The following MTUS2 variants were observed in gnomAD, a reference collection of about 807,000 sequenced individuals.
MTUS2 encodes microtubule-associated tumor suppressor candidate 2.
MTUS2 carries 40 observed loss-of-function variants against 114.1 expected under a neutral mutation model. That is an observed-to-expected ratio of 0.35 (90% confidence interval 0.27 to 0.46). The LOEUF (loss-of-function observed/expected upper bound fraction) is 0.46. Among genes scored for constraint, MTUS2 ranks in the 20% least tolerant of loss-of-function variants. The pLI is 1.00. For synonymous variants in MTUS2, 688 were observed against 672.0 expected, an observed-to-expected ratio of 1.02 and a Z score of -0.37; for missense variants, 1,679 against 1,705.4, an observed-to-expected ratio of 0.98 and a Z score of 0.27.
intron 8 of MTUS2, among the ~76,000 whole-genome samples, chr13:29,401,842 C>T (rs1444014889): frequency 6.6e-6 from 1 of 152,150 alleles, no homozygotes; most frequent in East Asian, 1.9e-4. Context: ...TTTTCTCCTC[C>T]AGTTGAAGTG....
At chr13:29,234,916 A>G (rs924935855) in intron 5 of MTUS2, among the ~76,000 whole-genome samples, 4 of 151,936 alleles carry the variant, frequency 2.6e-5, no homozygotes, top group African/African-American at 9.7e-5. Context: ...GTTTTTATTT[A>G]TTTGTAAATA....
At chr13:28,890,919 T>C (rs541055755) in intron 2 of MTUS2, among the ~76,000 whole-genome samples, 2 of 152,294 alleles carry the variant, frequency 1.3e-5, no homozygotes, top group African/African-American at 2.4e-5. Context: ...CTTCCATCCA[T>C]TGCATTTTAC....
chr13:29,327,340 C>T (rs1477256865), intron 7 of MTUS2, among the ~76,000 whole-genome samples: 2 of 152,174 alleles, frequency 1.3e-5, no homozygotes, highest in African/African-American at 4.8e-5. Flanking sequence ...CAAGATAACA[C>T]ACATGTCCAC....
rs2138520510 is a variant in MTUS2 at position 29,033,885 on chromosome 13, G to A, written c.2206G>A (p.Val736Ile). 1.2e-6 allele frequency: 2 copies of A among 1,613,812 alleles called. No individual in the cohort carries two copies. Among genetic ancestry groups the A allele is most frequent in the Non-Finnish European group, 1.7e-6 (2 of 1,179,834 alleles). Residue 736 changes from valine to isoleucine, a missense_variant and splice_region_variant, in exon 4 of 16, where the codon GTT becomes ATT. Transcript: ENST00000612955. Reference protein sequence around the residue: ...SQMSEKFLQEVTDHPGKEEFC... With the variant: ...SQMSEKFLQEITDHPGKEEFC... Reference sequence around the variant, plus strand: ...TTGAGTTTTTGTTCATTTATCATAGGTTACAGACCACCCTGGAAAAGAAGA... The same window carrying A: ...TTGAGTTTTTGTTCATTTATCATAGATTACAGACCACCCTGGAAAAGAAGA...
intron 5 of MTUS2, among the ~76,000 whole-genome samples, chr13:29,156,414 G>T (rs9579298): frequency 0.083 from 12,560 of 152,000 alleles, 738 homozygotes; most frequent in Non-Finnish European, 0.13. Flanking sequence ...AGTGAAAATC[G>T]TGCCCATAGT....
At chr13:29,350,494 A>T (rs1413387798) in intron 7 of MTUS2, among the ~76,000 whole-genome samples, 1 of 151,630 alleles carries the variant, frequency 6.6e-6, no homozygotes, top group Non-Finnish European at 1.5e-5. Context: ...ATACTCCTCT[A>T]TGACCAGTTG....
At chr13:28,932,138 C>A (rs934714223) in intron 2 of MTUS2, among the ~76,000 whole-genome samples, 1 of 151,958 alleles carries the variant, frequency 6.6e-6, no homozygotes, top group African/African-American at 2.4e-5. Flanking sequence ...CTGCAGCTCA[C>A]TGACCAATGG....
intron 8 of MTUS2, among the ~76,000 whole-genome samples, chr13:29,438,978 C>A (rs1877627705): frequency 6.6e-6 from 1 of 152,136 alleles, no homozygotes; most frequent in Non-Finnish European, 1.5e-5. Context: ...ACACGTCCTT[C>A]AGAGGTGCTG....
intron 5 of MTUS2, among the ~76,000 whole-genome samples, chr13:29,276,130 T>A (rs991217714): frequency 6.6e-6 from 1 of 152,200 alleles, no homozygotes; most frequent in African/African-American, 2.4e-5. Flanking sequence ...GTTGATCAGC[T>A]CAGGGTGTCC....
chr13:28,958,934 A>G (rs1360429792), intron 2 of MTUS2, among the ~76,000 whole-genome samples: 1 of 152,244 alleles, frequency 6.6e-6, no homozygotes, highest in Non-Finnish European at 1.5e-5. Context: ...ATTTAAAAAA[A>G]CAAGCTGGAC....
chr13:29,175,881 A>G (rs977273468), intron 5 of MTUS2, among the ~76,000 whole-genome samples: 44 of 152,250 alleles, frequency 2.9e-4, no homozygotes, highest in African/African-American at 9.9e-4. Flanking sequence ...ATTTATTTAA[A>G]CATTAAAGTA....
intron 2 of MTUS2, among the ~76,000 whole-genome samples, chr13:28,855,736 C>A (rs1876582921): frequency 6.6e-6 from 1 of 152,108 alleles, no homozygotes; most frequent in African/African-American, 2.4e-5. Context: ...ACTGAACATA[C>A]ACATGCATGT....
intron 2 of MTUS2, among the ~76,000 whole-genome samples, chr13:29,008,800 G>A (rs967991079): frequency 1.3e-5 from 2 of 152,082 alleles, no homozygotes; most frequent in Non-Finnish European, 2.9e-5. Flanking sequence ...ACTTGATGCT[G>A]TGCTTTGCAT....
intron 8 of MTUS2, among the ~76,000 whole-genome samples, chr13:29,378,801 G>C (rs1358343010): frequency 6.7e-6 from 1 of 148,774 alleles, no homozygotes; most frequent in Non-Finnish European, 1.5e-5. Context: ...AGATTTCAGA[G>C]TGGTGGGGAC....
chr13:29,070,443 C>G (rs547356965), intron 4 of MTUS2, among the ~76,000 whole-genome samples: 2 of 152,040 alleles, frequency 1.3e-5, no homozygotes, highest in Admixed American at 6.6e-5. Flanking sequence ...AAAGAGTTTT[C>G]AACTATAGAG....
chr13:29,166,763 G>A (rs986384210), intron 5 of MTUS2, among the ~76,000 whole-genome samples: 1 of 152,040 alleles, frequency 6.6e-6, no homozygotes, highest in East Asian at 1.9e-4. Flanking sequence ...TACTTGCCAG[G>A]TCAGTAGCCT....
At chr13:29,080,553 C>T (rs528804571) in intron 4 of MTUS2, among the ~76,000 whole-genome samples, 19 of 152,262 alleles carry the variant, frequency 1.2e-4, no homozygotes, top group African/African-American at 2.2e-4. Context: ...GTCTGATGTT[C>T]GAGGGCAGGA....
chr13:29,146,026 A>G (rs974298563), intron 5 of MTUS2, among the ~76,000 whole-genome samples: 1 of 152,180 alleles, frequency 6.6e-6, no homozygotes, highest in African/African-American at 2.4e-5. Flanking sequence ...TTGCTTCTGT[A>G]TTTGTTGTAA....
intron 6 of MTUS2, among the ~76,000 whole-genome samples, chr13:29,299,863 A>C (rs1020617789): frequency 4.0e-5 from 6 of 149,696 alleles, no homozygotes; most frequent in African/African-American, 1.5e-4. Flanking sequence ...TAAAGACAGC[A>C]TGAAAAAAAA....
Sources: gnomAD v4.1 joint callset for allele counts (sites outside exome capture counted in the v4.1 genomes callset) on GRCh38, gnomAD v4.1.1 for gene constraint, MANE v1.5 for transcripts, NCBI Gene and HGNC (gene_info 2026-07-23, HGNC 2026-07-21) for gene names.